Variants in GMDS observed in about 807,000 individuals in gnomAD.
The protein encoded by GMDS is GDP-mannose 4,6-dehydratase.
GMDS carries 20 observed loss-of-function variants against 49.9 expected under a neutral mutation model. The observed-to-expected ratio is 0.40, with a 90% confidence interval of 0.28 to 0.58. GMDS has a LOEUF of 0.58. GMDS is among the 20% of genes least tolerant of loss of function. The pLI is 0.42. For synonymous variants in GMDS, 177 were observed against 178.6 expected, an observed-to-expected ratio of 0.99 and a Z score of 0.07; for missense variants, 362 against 481.4, an observed-to-expected ratio of 0.75 and a Z score of 2.32.
chr6:1,904,976 G>C (rs1414406962), intron 7 of GMDS, among the ~76,000 whole-genome samples: 2 of 152,192 alleles, frequency 1.3e-5, no homozygotes, highest in Non-Finnish European at 2.9e-5. Context: ...AAGAAGAGGG[G>C]AAGCAGAAGA....
At chr6:1,798,188 GAAC>G (rs2113651227) in intron 7 of GMDS, among the ~76,000 whole-genome samples, 1 of 150,912 alleles carries the variant, frequency 6.6e-6, no homozygotes, top group Non-Finnish European at 1.5e-5. Flanking sequence ...GCACTCTGAA[GAAC>G]AACCTTGCTT....
At chr6:1,886,658 A>G (rs1354336582) in intron 7 of GMDS, among the ~76,000 whole-genome samples, 1 of 152,208 alleles carries the variant, frequency 6.6e-6, no homozygotes, top group African/African-American at 2.4e-5. Flanking sequence ...AACAATATTT[A>G]TCTTATATTT....
At chr6:2,165,884 G>A (rs74355512) in intron 1 of GMDS, among the ~76,000 whole-genome samples, 4,999 of 152,126 alleles carry the variant, frequency 0.033, 289 homozygotes, top group African/African-American at 0.11. Context: ...AAAATACATA[G>A]TTATTAAAAT....
At chr6:1,779,324 C>T (rs759830178) in intron 7 of GMDS, among the ~76,000 whole-genome samples, 4 of 152,232 alleles carry the variant, frequency 2.6e-5, no homozygotes, top group Non-Finnish European at 4.4e-5. Flanking sequence ...TATCCTGCTT[C>T]TGGAGCTGGA....
intron 7 of GMDS, among the ~76,000 whole-genome samples, chr6:1,838,067 G>A (rs545664850): frequency 3.3e-5 from 5 of 152,320 alleles, no homozygotes; most frequent in Admixed American, 6.5e-5. Flanking sequence ...AACCTCCCAC[G>A]AGTTGAACTT....
At chr6:2,036,493 C>G (rs1430786549) in intron 4 of GMDS, among the ~76,000 whole-genome samples, 1 of 152,134 alleles carries the variant, frequency 6.6e-6, no homozygotes, top group African/African-American at 2.4e-5. Context: ...AGGTCTGTCC[C>G]AGGGATCACT....
chr6:2,160,345 C>A (rs1395988523), intron 1 of GMDS, among the ~76,000 whole-genome samples: 1 of 152,176 alleles, frequency 6.6e-6, no homozygotes, highest in Non-Finnish European at 1.5e-5. Context: ...CAGCTTCTAA[C>A]ATTTAATCTT....
intron 4 of GMDS, among the ~76,000 whole-genome samples, chr6:2,089,576 A>C: frequency 6.6e-6 from 1 of 152,158 alleles, no homozygotes; most frequent in Non-Finnish European, 1.5e-5. Context: ...GTAAGAGGAG[A>C]GGTCTCATCA....
intron 4 of GMDS, among the ~76,000 whole-genome samples, chr6:2,048,735 AT>A (rs1420997367): frequency 6.6e-6 from 1 of 151,944 alleles, no homozygotes; most frequent in African/African-American, 2.4e-5. Flanking sequence ...GATCTTGCAT[AT>A]TTTTTACTGC....
chr6:1,813,543 A>C (rs115209351), intron 7 of GMDS, among the ~76,000 whole-genome samples: 134 of 152,334 alleles, frequency 8.8e-4, no homozygotes, highest in African/African-American at 3.1e-3. Context: ...GAATCATAAA[A>C]TTCCTAAAGT....
intron 4 of GMDS, among the ~76,000 whole-genome samples, chr6:1,989,685 C>T (rs1765803892): frequency 6.6e-6 from 1 of 152,206 alleles, no homozygotes; most frequent in Non-Finnish European, 1.5e-5. Context: ...TGGTACACTC[C>T]CTTCCAAACA....
intron 1 of GMDS, among the ~76,000 whole-genome samples, chr6:2,188,026 A>G (rs1778855351): frequency 6.6e-6 from 1 of 152,210 alleles, no homozygotes; most frequent in African/African-American, 2.4e-5. Flanking sequence ...TGATTAGCAC[A>G]CTAACCCAGG....
At chr6:2,119,521 C>A (rs777514533) in intron 2 of GMDS, among the ~76,000 whole-genome samples, 2 of 152,196 alleles carry the variant, frequency 1.3e-5, no homozygotes, top group Non-Finnish European at 2.9e-5. Flanking sequence ...AAAGCTGGGT[C>A]TGTCTGCTTC....
intron 9 of GMDS, among the ~76,000 whole-genome samples, chr6:1,691,335 C>A (rs1022919145): frequency 6.6e-6 from 1 of 151,440 alleles, no homozygotes; most frequent in Non-Finnish European, 1.5e-5. Context: ...CGGGGAGGGG[C>A]ACACACACTG....
chr6:1,809,461 T>C (rs1379763757), intron 7 of GMDS, among the ~76,000 whole-genome samples: 1 of 152,228 alleles, frequency 6.6e-6, no homozygotes, highest in Non-Finnish European at 1.5e-5. Flanking sequence ...TTGCCAAATA[T>C]TGTCAATGAC....
At chr6:1,685,906 T>C (rs560105877) in intron 9 of GMDS, among the ~76,000 whole-genome samples, 6 of 152,362 alleles carry the variant, frequency 3.9e-5, no homozygotes, top group African/African-American at 7.2e-5. Flanking sequence ...AGTGAATTCC[T>C]GAATATCCCC....
intron 6 of GMDS, among the ~76,000 whole-genome samples, chr6:1,942,528 C>T (rs534346615): frequency 2.0e-5 from 3 of 152,288 alleles, no homozygotes; most frequent in African/African-American, 7.2e-5. Context: ...GAAACCTGAC[C>T]AAGGCCCTAC....
At chr6:2,134,850 A>G (rs1193051465) in intron 1 of GMDS, among the ~76,000 whole-genome samples, 1 of 152,202 alleles carries the variant, frequency 6.6e-6, no homozygotes, top group Non-Finnish European at 1.5e-5. Context: ...ACTATACAGC[A>G]AAGTATTTAT....
chr6:1,665,794 G>T lies in GMDS; in HGVS notation c.988-41254C>A, dbSNP rs545798335. 2.0e-5 allele frequency among the ~76,000 whole-genome samples: 3 copies of T among 152,248 alleles called. No homozygotes were observed. In the East Asian group the frequency reaches 5.8e-4, roughly 29 times the overall value. On this transcript the variant is annotated intron_variant, in intron 9 of 10. Coordinates refer to ENST00000380815, the MANE Select transcript of GMDS (RefSeq NM_001500.4). ...TAGCTAAACAGCCCTAGAAAAACAG[G>T]GTCTGTGTACATATCATCATGTCTT...
Sources: gnomAD v4.1 joint callset for allele counts (sites outside exome capture counted in the v4.1 genomes callset) on GRCh38, gnomAD v4.1.1 for gene constraint, MANE v1.5 for transcripts, NCBI Gene and HGNC (gene_info 2026-07-23, HGNC 2026-07-21) for gene names.